The following EFCAB6 variants were observed in gnomAD, a reference collection of about 807,000 sequenced individuals.
EFCAB6 encodes EF-hand calcium binding domain 6.
A neutral mutation model predicts 169.8 loss-of-function variants in EFCAB6; 156 were observed. The ratio of observed to expected loss-of-function variants is 0.92; its 90% confidence interval spans 0.81 to 1.05. The LOEUF (loss-of-function observed/expected upper bound fraction) is 1.05, where lower values mean the gene tolerates loss of function less well. Among genes scored for constraint, EFCAB6 ranks in the 50% least tolerant of loss-of-function variants. The probability of loss-of-function intolerance (pLI) is 0.00; values close to 1 mark genes in which losing one functional copy is unlikely to be tolerated. For synonymous variants in EFCAB6, 698 were observed against 676.4 expected, an observed-to-expected ratio of 1.03 and a Z score of -0.50; for missense variants, 1,800 against 1,829.1, an observed-to-expected ratio of 0.98 and a Z score of 0.29.
Position 43,782,260 on chromosome 22 carries a change from A to C in EFCAB6, c.59T>G (p.Phe20Cys), listed in dbSNP as rs756758197. Residue 20 changes from phenylalanine to cysteine, a missense_variant, in exon 3 of 32, where the codon TTT becomes TGT. Phe to Cys is a radical substitution (Grantham distance 205). Coordinates refer to ENST00000262726, the MANE Select transcript of EFCAB6 (RefSeq NM_022785.4). ...TGAAGAATGGGGTCTTGAATGTGTA[A>C]ATTTTCGTGTGTGAGGATGCGACCT... is the stretch of plus-strand genomic sequence containing the variant. Reference protein sequence around the residue: ...WLRSHPHTRKFTHSRPHSSPC... With the variant: ...WLRSHPHTRKCTHSRPHSSPC... 9 of 1,614,064 alleles carry C rather than the reference A, an allele frequency of 5.6e-6. No homozygotes were observed. The Admixed American group carries it at 6.7e-5, about 12-fold the overall frequency.
At chr22:43,530,612 T>G in intron 31 of EFCAB6, 1 of 985,320 alleles carries the variant, frequency 1.0e-6, no homozygotes, top group Non-Finnish European at 1.2e-6. Flanking sequence ...CAGCAACCTT[T>G]GGGAAGGAGA....
chr22:43,783,244 C>CG (rs1295855363), intron 2 of EFCAB6, among the ~76,000 whole-genome samples: 2 of 152,200 alleles, frequency 1.3e-5, no homozygotes, highest in Non-Finnish European at 2.9e-5. Flanking sequence ...AGGTGGATAA[C>CG]GGGGCAAATA....
At chr22:43,685,192 C>A (rs1378522036) in intron 11 of EFCAB6, among the ~76,000 whole-genome samples, 2 of 152,168 alleles carry the variant, frequency 1.3e-5, no homozygotes, top group East Asian at 3.8e-4. Flanking sequence ...CCTCTGGGTA[C>A]CAAGTTGCCG....
At chr22:43,784,419 G>T (rs75986341) in intron 2 of EFCAB6, among the ~76,000 whole-genome samples, 2,453 of 150,100 alleles carry the variant, frequency 0.016, 41 homozygotes, top group Non-Finnish European at 0.022. Flanking sequence ...GAGAGGCTGA[G>T]GCAGGAGAAC....
chr22:43,529,057 G>A (rs56241520), intron 31 of EFCAB6, 82 bp from the exon 32 acceptor site: 11 of 1,442,104 alleles, frequency 7.6e-6, no homozygotes, highest in African/African-American at 1.4e-5. Context: ...GGGGCTGGGG[G>A]ACACATCCAC....
At chr22:43,555,737 G>A (rs940937752) in intron 26 of EFCAB6, among the ~76,000 whole-genome samples, 1 of 152,170 alleles carries the variant, frequency 6.6e-6, no homozygotes, top group Non-Finnish European at 1.5e-5. Flanking sequence ...CCCACTCCTT[G>A]GGCACTGGAA....
Position 43,759,605 on chromosome 22 carries a change from T to C in EFCAB6, c.441-3773A>G, listed in dbSNP as rs539366742. On this transcript the variant is annotated intron_variant, in intron 5 of 31. Transcript: ENST00000262726. ...GGTGTTTCTGAAGAGATGATGATGT[T>C]TCTACCATTATTATAGATGATACAA... 4 of 152,330 alleles carry C rather than the reference T, an allele frequency of 2.6e-5. No homozygotes were observed. In the East Asian group the frequency reaches 7.7e-4, roughly 29 times the overall value. The allele number at this position is 152,330 out of a possible 1,614,324, so 9.4% of individuals were successfully genotyped here.
intron 5 of EFCAB6, 127 bp downstream of exon 5, chr22:43,765,177 TG>T: frequency 1.6e-6 from 1 of 619,476 alleles, no homozygotes; most frequent in Non-Finnish European, 2.8e-6. Context: ...AAATTCCATA[TG>T]GACAAGTTCT....
intron 17 of EFCAB6, among the ~76,000 whole-genome samples, chr22:43,649,883 C>A (rs1050698638): frequency 1.3e-5 from 2 of 152,142 alleles, no homozygotes; most frequent in African/African-American, 4.8e-5. Context: ...ACGGCCCAGG[C>A]AGACAGAGAA....
At chr22:43,613,131 A>G (rs2053437807) in intron 21 of EFCAB6, among the ~76,000 whole-genome samples, 2 of 148,066 alleles carry the variant, frequency 1.4e-5, no homozygotes, top group Admixed American at 1.4e-4. Flanking sequence ...TATTTATATA[A>G]CATAAATATA....
chr22:43,743,506 C>T (rs2060445846), intron 6 of EFCAB6, among the ~76,000 whole-genome samples: 1 of 152,176 alleles, frequency 6.6e-6, no homozygotes, highest in South Asian at 2.1e-4. Flanking sequence ...AGCTTCCTTG[C>T]CTGTGAAATG....
rs367938182 is a variant in EFCAB6, at chr22:43,667,315, C to T, written c.1815-43G>A. 21 of 1,599,020 alleles carry T rather than the reference C, an allele frequency of 1.3e-5. No homozygotes were observed. In the Admixed American group the frequency reaches 2.9e-4, roughly 22 times the overall value. On this transcript the variant is annotated intron_variant, in intron 16 of 31. Transcript: ENST00000262726. ...CATTTAGACCCAGTGTCAACTGACA[C>T]ACGCAGGGTGCTTCCTCCAGACTGC... is the stretch of plus-strand genomic sequence containing the variant.
intron 6 of EFCAB6, among the ~76,000 whole-genome samples, chr22:43,740,349 GAC>G (rs1303980046): frequency 2.0e-5 from 3 of 152,222 alleles, no homozygotes; most frequent in Non-Finnish European, 2.9e-5. Flanking sequence ...GCACAGTGTG[GAC>G]ACTCAGTGAG....
intron 2 of EFCAB6, among the ~76,000 whole-genome samples, chr22:43,785,920 T>C (rs2062059410): frequency 6.6e-6 from 1 of 152,188 alleles, no homozygotes; most frequent in Non-Finnish European, 1.5e-5. Flanking sequence ...CTTAGGAAGA[T>C]GTAAGATACT....
chr22:43,548,091 G>A (rs765585461), intron 27 of EFCAB6, among the ~76,000 whole-genome samples: 13 of 152,054 alleles, frequency 8.5e-5, no homozygotes, highest in South Asian at 4.2e-4. Context: ...GTGAGACTCC[G>A]TCTCAAAAAT....
intron 20 of EFCAB6, among the ~76,000 whole-genome samples, chr22:43,624,055 A>G (rs565375376): frequency 3.3e-5 from 5 of 152,072 alleles, no homozygotes; most frequent in Non-Finnish European, 7.4e-5. Flanking sequence ...TCCCTGCCCC[A>G]CTGCTCATTA....
chr22:43,738,899 A>C (rs1158996332), intron 6 of EFCAB6, among the ~76,000 whole-genome samples: 1 of 152,194 alleles, frequency 6.6e-6, no homozygotes, highest in African/African-American at 2.4e-5. Context: ...TAAGGGATCA[A>C]GGGATGAACC....
chr22:43,751,241 T>C (rs896706546), intron 6 of EFCAB6, among the ~76,000 whole-genome samples: 3 of 152,234 alleles, frequency 2.0e-5, no homozygotes, highest in Admixed American at 1.3e-4. Flanking sequence ...ACATACACTG[T>C]ATTCCTATAC....
chr22:43,531,055 C>CCCTGCTCCGGCTTCACCTCCCAA, intron 30 of EFCAB6, 91 bp from the exon 31 acceptor site: 1 of 1,551,598 alleles, frequency 6.4e-7, no homozygotes, highest in East Asian at 2.3e-5. Flanking sequence ...CCTCGCCCAG[C>CCCTGCTCCGGCTTCACCTCCCAA]CCTGCTCCGG....
Sources: allele counts gnomAD v4.1 joint callset (sites outside exome capture counted in the v4.1 genomes callset), GRCh38; gene constraint gnomAD v4.1.1; transcripts MANE v1.5; gene names NCBI Gene and HGNC (gene_info 2026-07-23, HGNC 2026-07-21).